DMD: variants seen among roughly 807,000 people sequenced by gnomAD.
DMD encodes dystrophin, also known as mutant dystrophin.
In DMD, 63 loss-of-function variants were observed where a neutral mutation model predicts 330.1. The observed-to-expected ratio is 0.19, with a 90% CI of 0.16 to 0.24. DMD has a LOEUF of 0.24. DMD is among the 10% of genes least tolerant of loss of function. DMD has a pLI of 1.00. For missense variants in DMD, 3,344 were observed against 2,684.1 expected (o/e 1.25, Z -5.43); for synonymous variants, 1,223 against 959.8 (o/e 1.27, Z -5.07).
intron 36 of DMD, among the ~76,000 whole-genome samples, chrX:32,363,241 G>A (rs933999247): frequency 9.0e-6 from 1 of 111,696 alleles, no homozygotes; most frequent in Admixed American, 9.5e-5. Context: ...TATTTAGTCC[G>A]AGGAAGGACA....
intron 60 of DMD, among the ~76,000 whole-genome samples, chrX:31,400,504 C>T (rs1445093457): frequency 9.0e-6 from 1 of 111,502 alleles, no homozygotes; most frequent in Non-Finnish European, 1.9e-5. Context: ...ATATTCTCAA[C>T]CTTGGCAAAA....
At chrX:32,772,873 G>C (rs2073764499) in intron 7 of DMD, among the ~76,000 whole-genome samples, 1 of 102,575 alleles carries the variant, frequency 9.7e-6, no homozygotes, top group African/African-American at 4.5e-5. Context: ...ATATCAAATT[G>C]TTTAAGCTCA....
At chrX:31,998,646 A>G (rs1419944688) in intron 44 of DMD, among the ~76,000 whole-genome samples, 1 of 111,695 alleles carries the variant, frequency 9.0e-6, no homozygotes, top group East Asian at 2.8e-4. Flanking sequence ...CACTGGGATC[A>G]CGTCGTAACC....
intron 1 of DMD, among the ~76,000 whole-genome samples, chrX:33,080,532 C>A (rs1363238002): frequency 9.0e-6 from 1 of 111,718 alleles, no homozygotes; most frequent in Non-Finnish European, 1.9e-5. Flanking sequence ...TAACTCTTAG[C>A]AACTTTGATT....
At chrX:31,418,006 G>A (rs766952108) in intron 60 of DMD, among the ~76,000 whole-genome samples, 2 of 103,612 alleles carry the variant, frequency 1.9e-5, no homozygotes, top group African/African-American at 7.1e-5. Context: ...TACTCTGCAT[G>A]TTTCTGCAGA....
chrX:33,134,997 C>T (rs952265647), intron 1 of DMD, among the ~76,000 whole-genome samples: 1 of 111,699 alleles, frequency 9.0e-6, no homozygotes, highest in South Asian at 3.7e-4. Context: ...TCTAAATCCC[C>T]ATATGTCTAT....
intron 9 of DMD, among the ~76,000 whole-genome samples, chrX:32,684,131 G>A (rs1310869355): frequency 3.7e-5 from 4 of 109,309 alleles, no homozygotes; most frequent in Non-Finnish European, 7.6e-5. Flanking sequence ...ATAAAGTGCT[G>A]TTAGAGACAA....
chrX:32,171,448 C>T (rs777588824), intron 44 of DMD, among the ~76,000 whole-genome samples: 3 of 111,414 alleles, frequency 2.7e-5, no homozygotes, highest in Non-Finnish European at 3.8e-5. Context: ...TTTATTAATC[C>T]TTCTTTTAAT....
intron 7 of DMD, among the ~76,000 whole-genome samples, chrX:32,750,817 G>T (rs2070714247): frequency 9.0e-6 from 1 of 111,637 alleles, no homozygotes; most frequent in Non-Finnish European, 1.9e-5. Context: ...CCCACATGTT[G>T]TAGGAAGGAC....
At position 33,265,923 on chromosome X, in the gene DMD, T is replaced by C. The variant is rs1030417914; in HGVS notation, c.7+73336A>G. On this transcript the variant is annotated intron_variant, in intron 1 of 17. Coordinates refer to the DMD transcript ENST00000288447. The stretch of plus-strand genomic sequence containing the variant: ...CAACTAAATTATTTAGTCAGCTTTA[T>C]TCCAGATAAGAAGACCCTTGGATTT... Among the ~76,000 whole-genome samples, 6 of 111,736 alleles carry C rather than the reference T, an allele frequency of 5.4e-5. No individual in the cohort carries two copies. In the Admixed American group the frequency reaches 5.7e-4, roughly 11 times the overall value.
Position 33,009,012 on chromosome X carries a change from A to G in DMD, c.93+11127T>C, listed in dbSNP as rs529707986. 2.2e-4 allele frequency among the ~76,000 whole-genome samples: 22 copies of G among 99,321 alleles called. No homozygotes were observed. In the South Asian group the frequency reaches 6.1e-3, roughly 28 times the overall value. The allele number at this position is 99,321 out of a possible 115,157, so 86.2% of individuals were successfully genotyped here. The stretch of plus-strand genomic sequence containing the variant: ...TATACGTGTGTATATATACACACAT[A>G]CACACGTATATATACACATGTGTGT... On this transcript the variant is annotated intron_variant, in intron 2 of 78. Coordinates refer to ENST00000357033, the MANE Select transcript of DMD (RefSeq NM_004006.3).
At chrX:33,318,232 G>A (rs1331329209) in intron 1 of DMD, among the ~76,000 whole-genome samples, 1 of 110,233 alleles carries the variant, frequency 9.1e-6, no homozygotes, top group Non-Finnish European at 1.9e-5. Flanking sequence ...AGTGGCGTAT[G>A]AATAAACAGA....
chrX:33,265,219 T>G lies in DMD; in HGVS notation c.7+74040A>C, dbSNP rs1417979825. Among the ~76,000 whole-genome samples the G allele has an allele frequency of 4.5e-5, 5 of 110,658 alleles. No homozygotes were observed. In the East Asian group the frequency reaches 1.4e-3, roughly 32 times the overall value. On this transcript the variant is annotated intron_variant, in intron 1 of 17. Coordinates refer to the DMD transcript ENST00000288447. ...ATATTTAGTGTACTCACTGTTTTTC[T>G]GAATTTTGCCTAGATCCTGACTGTC...
Position 31,507,622 on chromosome X carries a change from T to C in DMD, c.8218-169A>G, listed in dbSNP as rs571652922. On this transcript the variant is annotated intron_variant, in intron 55 of 78. Transcript: ENST00000357033. ...ATCTCAAATCCCTTTTCTTGGCGTA[T>C]TGCCTTCTCCTGTTATTATGTAGAT... 4.3e-4 allele frequency among the ~76,000 whole-genome samples: 48 copies of C among 112,611 alleles called. No homozygotes were observed. The South Asian group carries it at 9.3e-3, about 22-fold the overall frequency.
Position 32,059,421 on chromosome X carries a change from T to C in DMD, c.6439-90907A>G, listed in dbSNP as rs1265362142. ...ACTTCTCGTGAGGGTGGGAGCACCA[T>C]AAACACATATATGAAGAGATAATAA... On this transcript the variant is annotated intron_variant, in intron 44 of 78. Transcript: ENST00000357033. Among the ~76,000 whole-genome samples, 4 of 111,134 alleles carry C rather than the reference T, an allele frequency of 3.6e-5. No homozygotes were observed. In the Admixed American group the frequency reaches 3.8e-4, roughly 11 times the overall value.
chrX:31,569,458 C>T (rs759096078), intron 55 of DMD, among the ~76,000 whole-genome samples: 1 of 107,176 alleles, frequency 9.3e-6, no homozygotes, highest in South Asian at 4.0e-4. Flanking sequence ...TCACTAGATG[C>T]CAGTAAAATT....
At chrX:33,272,889 A>G (rs890280783) in intron 1 of DMD, among the ~76,000 whole-genome samples, 12 of 111,619 alleles carry the variant, frequency 1.1e-4, no homozygotes, top group Non-Finnish European at 5.7e-5. Context: ...GGCCCTTGGA[A>G]TATTGACAAA....
chrX:33,160,657 T>C (rs1569556870), intron 1 of DMD, among the ~76,000 whole-genome samples: 1 of 112,392 alleles, frequency 8.9e-6, no homozygotes, highest in Non-Finnish European at 1.9e-5. Flanking sequence ...TTGCGATCTT[T>C]TGAAGAAGAC....
At chrX:32,676,491 C>T (rs889619425) in intron 9 of DMD, among the ~76,000 whole-genome samples, 13 of 111,314 alleles carry the variant, frequency 1.2e-4, no homozygotes, top group African/African-American at 4.2e-4. Context: ...AATTTCATTG[C>T]CATTTTGGGG....
Sources: allele counts gnomAD v4.1 joint callset (sites outside exome capture counted in the v4.1 genomes callset), GRCh38; gene constraint gnomAD v4.1.1; transcripts MANE v1.5; gene names NCBI Gene and HGNC (gene_info 2026-07-23, HGNC 2026-07-21).